Variants in SLC4A7 observed in about 807,000 individuals in gnomAD.
The protein encoded by SLC4A7 is solute carrier family 4 member 7.
SLC4A7 carries 51 observed loss-of-function variants against 137.6 expected under a neutral mutation model. The observed-to-expected ratio is 0.37, with a 90% CI of 0.30 to 0.47. The LOEUF (loss-of-function observed/expected upper bound fraction) is 0.47. Among genes scored for constraint, SLC4A7 ranks in the 20% least tolerant of loss-of-function variants. The pLI is 1.00. For synonymous variants in SLC4A7, 542 were observed against 518.6 expected (o/e 1.05, Z -0.61); for missense variants, 1,247 against 1,525.4 (o/e 0.82, Z 3.04).
intron 1 of SLC4A7, among the ~76,000 whole-genome samples, chr3:27,483,570 G>T (rs2059808889): frequency 6.6e-6 from 1 of 152,252 alleles, no homozygotes; most frequent in Admixed American, 6.5e-5. Flanking sequence ...GAGGGGGAAA[G>T]ATTCAACCAG....
At chr3:27,377,786 G>C (rs1054481919) in intron 25 of SLC4A7, among the ~76,000 whole-genome samples, 3 of 152,120 alleles carry the variant, frequency 2.0e-5, no homozygotes, top group Non-Finnish European at 4.4e-5. Flanking sequence ...CTGGGTTCTG[G>C]AAAAAGTTTT....
chr3:27,410,508 AAC>A (rs1198740144), intron 12 of SLC4A7, among the ~76,000 whole-genome samples: 1 of 152,208 alleles, frequency 6.6e-6, no homozygotes, highest in African/African-American at 2.4e-5. Context: ...TGAAATCCTA[AAC>A]ACAAATTGAC....
intron 3 of SLC4A7, among the ~76,000 whole-genome samples, chr3:27,445,995 G>C (rs1165336211): frequency 3.5e-5 from 4 of 112,844 alleles, no homozygotes; most frequent in Admixed American, 1.1e-4. Flanking sequence ...TATATATAGT[G>C]CCCTTGAAAT....
Position 27,385,906 on chromosome 3 carries a change from T to C in SLC4A7, c.3478A>G (p.Lys1160Glu). 1 of 1,556,508 alleles carries C rather than the reference T, an allele frequency of 6.4e-7. No homozygotes were observed. Among genetic ancestry groups the C allele is most frequent in the East Asian group, 2.3e-5 (1 of 44,334 alleles). ...SKKKKEDDKK[K>E]KEKEEAERML... The stretch of plus-strand genomic sequence containing the variant: ...TATCTTTTTACCTCTTTCTCTTTTT[T>C]CTTTTTGTCATCTTCTTTCTTTTTC... Residue 1160 changes from lysine (K) to glutamate (E), a missense_variant, in exon 23 of 26, where the codon AAA (lysine) becomes GAA (glutamate). Physicochemically the swap from Lys to Glu is moderately conservative, Grantham distance 56. Around this residue, in one of 6 missense-constraint regions of SLC4A7, gnomAD observed 290 missense variants for 323.8 expected, o/e 0.90. Transcript: ENST00000454389.
At chr3:27,418,375 C>T in intron 11 of SLC4A7, 111 bp downstream of exon 11, 1 of 772,416 alleles carries the variant, frequency 1.3e-6, no homozygotes, top group Non-Finnish European at 2.1e-6. Flanking sequence ...AGAAGGTAAA[C>T]AGGACGAGGT....
At chr3:27,412,758 T>C (rs1481721185) in intron 11 of SLC4A7, among the ~76,000 whole-genome samples, 1 of 152,182 alleles carries the variant, frequency 6.6e-6, no homozygotes, top group African/African-American at 2.4e-5. Flanking sequence ...AATCATTTAA[T>C]TGAATTGATT....
chr3:27,398,403 A>G, intron 16 of SLC4A7, 50 bp from the exon 17 acceptor site: 2 of 1,488,692 alleles, frequency 1.3e-6, no homozygotes, highest in South Asian at 2.6e-5. Flanking sequence ...TTACGTATTC[A>G]ATAAATTATT....
chr3:27,442,275 T>C (rs1479547792), intron 3 of SLC4A7, among the ~76,000 whole-genome samples: 2 of 152,196 alleles, frequency 1.3e-5, no homozygotes, highest in Non-Finnish European at 2.9e-5. Context: ...AATATTATAT[T>C]GAATAGATCT....
intron 3 of SLC4A7, among the ~76,000 whole-genome samples, chr3:27,443,307 G>C (rs2057361651): frequency 6.6e-6 from 1 of 152,050 alleles, no homozygotes; most frequent in Non-Finnish European, 1.5e-5. Context: ...TGGAATTACA[G>C]GCATGAGCCA....
intron 24 of SLC4A7, among the ~76,000 whole-genome samples, chr3:27,380,770 C>A (rs2050344974): frequency 6.6e-6 from 1 of 152,154 alleles, no homozygotes; most frequent in African/African-American, 2.4e-5. Flanking sequence ...TAAAAGTACA[C>A]AAAATCTGAA....
At chr3:27,440,104 C>G (rs943355995) in intron 3 of SLC4A7, among the ~76,000 whole-genome samples, 1 of 152,058 alleles carries the variant, frequency 6.6e-6, no homozygotes, top group African/African-American at 2.4e-5. Flanking sequence ...AAATTTAATC[C>G]ACAAACCTGG....
intron 1 of SLC4A7, among the ~76,000 whole-genome samples, chr3:27,472,358 T>A (rs2059283746): frequency 6.6e-6 from 1 of 152,156 alleles, no homozygotes; most frequent in Non-Finnish European, 1.5e-5. Context: ...GAGGACAAAG[T>A]GGGCTGATCA....
chr3:27,430,605 CAAAAAAAAAAA>C (rs36019447), intron 7 of SLC4A7, among the ~76,000 whole-genome samples: 1 of 96,664 alleles, frequency 1.0e-5, no homozygotes, highest in Non-Finnish European at 2.0e-5. Context: ...ACCCCGTCTC[CAAAAAAAAAAA>C]AAAAAAAAGT....
intron 11 of SLC4A7, among the ~76,000 whole-genome samples, chr3:27,414,998 G>A (rs1411850249): frequency 1.3e-5 from 2 of 152,198 alleles, no homozygotes; most frequent in Admixed American, 1.3e-4. Context: ...GCCTTCAACG[G>A]TGTAATCCTT....
intron 10 of SLC4A7, among the ~76,000 whole-genome samples, chr3:27,419,030 C>T (rs1451870973): frequency 2.6e-5 from 4 of 151,972 alleles, no homozygotes; most frequent in Non-Finnish European, 5.9e-5. Flanking sequence ...ATTTAATGAC[C>T]AATATTTACT....
intron 12 of SLC4A7, among the ~76,000 whole-genome samples, chr3:27,410,113 GACAA>G (rs1456489731): frequency 6.6e-6 from 1 of 152,104 alleles, no homozygotes; most frequent in Non-Finnish European, 1.5e-5. Context: ...TGTGTATGTA[GACAA>G]ACTAATATGT....
chr3:27,409,323 A>G (rs772577212), intron 13 of SLC4A7, 33 bp downstream of exon 13: 2 of 1,539,454 alleles, frequency 1.3e-6, no homozygotes, highest in East Asian at 2.3e-5. Flanking sequence ...CTGAAGAGCT[A>G]AAAGCCTGGC....
In SLC4A7 at chr3:27,383,224, A is replaced by G. The variant is rs2050602142; in HGVS notation, c.3519T>C (p.Asp1173=). 3 of 1,612,052 alleles carry G rather than the reference A, an allele frequency of 1.9e-6. No individual in the cohort carries two copies. The highest frequency in any genetic ancestry group is 1.3e-5 in the African/African-American group (1 of 74,890). Residue 1173 remains aspartate (D), a synonymous_variant, in exon 24 of 26, where the codon GAT becomes GAC. Coordinates refer to ENST00000454389, the MANE Select transcript of SLC4A7 (RefSeq NM_001321103.2). Reference sequence around the variant, plus strand: ...CAAATGGAAGGTGCACAGTATCATCATCATCTTGAAGCATCCGTTCAGCTT... The same window carrying G: ...CAAATGGAAGGTGCACAGTATCATCGTCATCTTGAAGCATCCGTTCAGCTT... ...KEEAERMLQD[D]DDTVHLPFEG...
intron 3 of SLC4A7, among the ~76,000 whole-genome samples, chr3:27,447,191 G>C (rs923581969): frequency 1.3e-5 from 2 of 151,754 alleles, no homozygotes; most frequent in African/African-American, 2.4e-5. Flanking sequence ...CAGCTGAGTA[G>C]AGTTTCTTAA....
Sources: allele counts gnomAD v4.1 joint callset (sites outside exome capture counted in the v4.1 genomes callset), GRCh38; gene constraint gnomAD v4.1.1; regional missense constraint gnomAD v4.1.1; transcripts MANE v1.5; gene names NCBI Gene and HGNC (gene_info 2026-07-23, HGNC 2026-07-21).